MED13L: variants seen among roughly 807,000 people sequenced by gnomAD.
MED13L encodes mediator complex subunit 13L, also known as mediator of RNA polymerase II transcription subunit 13-like.
A neutral mutation model predicts 220.9 loss-of-function variants in MED13L; 7 were observed. That is an observed-to-expected ratio of 0.03 (90% CI 0.02 to 0.06). The LOEUF is 0.06. Among genes scored for constraint, MED13L ranks in the 10% least tolerant of loss-of-function variants. The pLI is 1.00. For missense variants in MED13L, 1,965 were observed against 2,760.5 expected, an observed-to-expected ratio of 0.71 and a Z score of 6.46; for synonymous variants, 1,011 against 1,015.2, an observed-to-expected ratio of 1.00 and a Z score of 0.08.
chr12:116,201,433 T>C (rs1881997827), intron 2 of MED13L, among the ~76,000 whole-genome samples: 1 of 152,068 alleles, frequency 6.6e-6, no homozygotes, highest in Non-Finnish European at 1.5e-5. Context: ...AAAATAGACA[T>C]TAACCCCGAG....
intron 2 of MED13L, among the ~76,000 whole-genome samples, chr12:116,156,394 C>A: frequency 8.7e-6 from 1 of 114,394 alleles, no homozygotes; most frequent in African/African-American, 3.6e-5. Context: ...GTAAAGTCTC[C>A]AATTACTTAA....
intron 3 of MED13L, among the ~76,000 whole-genome samples, chr12:116,104,436 T>C (rs1873378164): frequency 6.6e-6 from 1 of 152,234 alleles, no homozygotes; most frequent in Non-Finnish European, 1.5e-5. Flanking sequence ...TTCCCCACAT[T>C]ATTTTCACTG....
At chr12:116,039,383 C>A (rs146993243) in intron 4 of MED13L, among the ~76,000 whole-genome samples, 3 of 152,316 alleles carry the variant, frequency 2.0e-5, no homozygotes, top group African/African-American at 7.2e-5. Flanking sequence ...AAAATTGGAG[C>A]TAACGCTTAT....
Position 115,961,196 on chromosome 12 carries a change from T to C in MED13L, c.*70A>G. On this transcript the variant is annotated 3_prime_UTR_variant, in exon 31 of 31. Transcript: ENST00000281928. Reference sequence around the variant, plus strand: ...AAAAGGATGTGGGTTATTTGCAGAGTGTAGCAGGTTCCTTGGACTGAGGTT... The same window carrying C: ...AAAAGGATGTGGGTTATTTGCAGAGCGTAGCAGGTTCCTTGGACTGAGGTT... 6.3e-7 allele frequency: 1 copy of C among 1,578,512 alleles called. No individual in the cohort carries two copies. The highest frequency in any genetic ancestry group is 8.7e-7 in the Non-Finnish European group (1 of 1,148,494).
intron 30 of MED13L, among the ~76,000 whole-genome samples, chr12:115,962,929 G>A (rs1875869031): frequency 1.3e-5 from 2 of 152,170 alleles, no homozygotes; most frequent in Non-Finnish European, 2.9e-5. Context: ...GCTGAGGCAG[G>A]AGAATGGCAT....
intron 2 of MED13L, among the ~76,000 whole-genome samples, chr12:116,197,952 AAAGC>A (rs1457891257): frequency 1.3e-5 from 2 of 152,214 alleles, no homozygotes; most frequent in African/African-American, 2.4e-5. Context: ...TGTTCATATA[AAAGC>A]AAGAATTTCC....
intron 2 of MED13L, among the ~76,000 whole-genome samples, chr12:116,201,624 G>A (rs1333507750): frequency 6.6e-6 from 1 of 152,148 alleles, no homozygotes; most frequent in Non-Finnish European, 1.5e-5. Context: ...GAGGCAGGAG[G>A]CTTCAGGGGG....
At chr12:116,024,764 T>A (rs1880268094) in intron 4 of MED13L, among the ~76,000 whole-genome samples, 1 of 14,406 alleles carries the variant, frequency 6.9e-5, no homozygotes, top group African/African-American at 3.5e-4. Context: ...ATGCTTTTTT[T>A]TGGCGGGGCG....
intron 2 of MED13L, among the ~76,000 whole-genome samples, chr12:116,165,192 A>G (rs1461623499): frequency 6.6e-6 from 1 of 151,602 alleles, no homozygotes; most frequent in Non-Finnish European, 1.5e-5. Flanking sequence ...CTCCAAGAAA[A>G]TATCTGGGCC....
chr12:116,089,135 G>A (rs61939690), intron 4 of MED13L, among the ~76,000 whole-genome samples: 37,010 of 152,086 alleles, frequency 0.24, 4,646 homozygotes, highest in Middle Eastern at 0.32. Context: ...GACATTATCG[G>A]AAATAAAATA....
chr12:116,035,996 G>A (rs1881173016), intron 4 of MED13L, among the ~76,000 whole-genome samples: 1 of 151,978 alleles, frequency 6.6e-6, no homozygotes, highest in Non-Finnish European at 1.5e-5. Context: ...CCTTCACAGG[G>A]CTTGTCATAA....
chr12:116,158,666 G>T (rs1006942964), intron 2 of MED13L, among the ~76,000 whole-genome samples: 1 of 152,116 alleles, frequency 6.6e-6, no homozygotes, highest in African/African-American at 2.4e-5. Flanking sequence ...AAAAATTAGG[G>T]ATAAAATGAA....
intron 4 of MED13L, among the ~76,000 whole-genome samples, chr12:116,024,427 A>T (rs1418068294): frequency 6.6e-6 from 1 of 152,230 alleles, no homozygotes; most frequent in Admixed American, 6.5e-5. Context: ...GAAAAGAACA[A>T]ATGAAAATTT....
intron 4 of MED13L, among the ~76,000 whole-genome samples, chr12:116,041,419 T>C (rs866042661): frequency 1.9e-4 from 29 of 152,204 alleles, no homozygotes; most frequent in African/African-American, 6.3e-4. Context: ...TAGTTCTTTA[T>C]AGCAGTGCGA....
In MED13L at chr12:116,031,752, A is replaced by AGGAAGGAAGGAAGG. The variant is rs1352617205; in HGVS notation, c.480-9152_480-9151insCCTTCCTTCCTTCC. On this transcript the variant is annotated intron_variant, in intron 4 of 30. Coordinates refer to ENST00000281928, the MANE Select transcript of MED13L (RefSeq NM_015335.5). Reference sequence around the variant, plus strand: ...AAAGAAAAGAAAAGAAAAGAAAAGAAAAGAAAAGAAGGAAGGAAGGAAGGA... The same window carrying AGGAAGGAAGGAAGG: ...AAAGAAAAGAAAAGAAAAGAAAAGAAGGAAGGAAGGAAGGAAGAAAAGAAGGAAGGAAGGAAGGA... Among the ~76,000 whole-genome samples the AGGAAGGAAGGAAGG allele has an allele frequency of 3.0e-3, 93 of 31,478 alleles. 3 individuals are homozygous for AGGAAGGAAGGAAGG. Among genetic ancestry groups the AGGAAGGAAGGAAGG allele is most frequent in the African/African-American group, 6.4e-3 (41 of 6,456 alleles). 20.7% of individuals were successfully genotyped at this position (31,478 alleles called of 152,430 possible).
At position 116,031,707 on chromosome 12, in the gene MED13L, AAAG is replaced by A. The variant is rs1161097696; in HGVS notation, c.480-9109_480-9107del. Among the ~76,000 whole-genome samples, 115 of 54,976 alleles carry A rather than the reference AAAG, an allele frequency of 2.1e-3. 2 individuals carry two copies. Among genetic ancestry groups the A allele is most frequent in the Non-Finnish European group, 3.2e-3 (90 of 28,390 alleles). 36.1% of individuals were successfully genotyped at this position (54,976 alleles called of 152,430 possible). On this transcript the variant is annotated intron_variant, in intron 4 of 30. Coordinates refer to ENST00000281928, the MANE Select transcript of MED13L (RefSeq NM_015335.5). Reference sequence around the variant, plus strand: ...AAAGAAAAGAAAAGAAAAGAAAAGAAAAGAAAAGAAAAGAAAAGAAAAGAAAAG... The same window carrying A: ...AAAGAAAAGAAAAGAAAAGAAAAGAAAAAAGAAAAGAAAAGAAAAGAAAAG...
At chr12:116,064,085 G>A (rs1869726873) in intron 4 of MED13L, among the ~76,000 whole-genome samples, 1 of 152,066 alleles carries the variant, frequency 6.6e-6, no homozygotes, top group South Asian at 2.1e-4. Flanking sequence ...AGCTACTCAG[G>A]AGGCTGAGGT....
At chr12:116,137,748 TACAG>T (rs1876684736) in intron 2 of MED13L, among the ~76,000 whole-genome samples, 1 of 152,036 alleles carries the variant, frequency 6.6e-6, no homozygotes, top group Admixed American at 6.6e-5. Context: ...TTTCTGAGAA[TACAG>T]ACAACTTGTA....
chr12:116,114,695 T>G (rs998314650), intron 2 of MED13L, among the ~76,000 whole-genome samples: 1 of 152,154 alleles, frequency 6.6e-6, no homozygotes, highest in Non-Finnish European at 1.5e-5. Context: ...CACGACTGTC[T>G]ATCAGAAAAT....
Sources: allele counts gnomAD v4.1 joint callset (sites outside exome capture counted in the v4.1 genomes callset), GRCh38; gene constraint gnomAD v4.1.1; transcripts MANE v1.5; gene names NCBI Gene and HGNC (gene_info 2026-07-23, HGNC 2026-07-21).